The following HS3ST4 variants were observed in gnomAD, a reference collection of about 807,000 sequenced individuals.
HS3ST4 encodes heparan sulfate-glucosamine 3-sulfotransferase 4, also known as heparan sulfate glucosamine 3-O-sulfotransferase 4.
HS3ST4 carries 17 observed loss-of-function variants against 29.2 expected under a neutral mutation model. The observed-to-expected ratio is 0.58, with a 90% confidence interval of 0.40 to 0.87. The LOEUF is 0.87. Among genes scored for constraint, HS3ST4 ranks in the 40% least tolerant of loss-of-function variants. HS3ST4 has a pLI of 0.00. For missense variants in HS3ST4, 627 were observed against 634.5 expected (o/e 0.99, Z 0.13); for synonymous variants, 314 against 285.7 (o/e 1.10, Z -1.00).
At chr16:26,022,152 A>G (rs1350451715) in intron 1 of HS3ST4, among the ~76,000 whole-genome samples, 1 of 151,974 alleles carries the variant, frequency 6.6e-6, no homozygotes, top group Non-Finnish European at 1.5e-5. Context: ...ATTTTTTTGT[A>G]GCTATGGGGT....
intron 1 of HS3ST4, among the ~76,000 whole-genome samples, chr16:25,890,750 A>G (rs542881219): frequency 1.3e-5 from 2 of 152,338 alleles, no homozygotes; most frequent in East Asian, 1.9e-4. Flanking sequence ...CATTTGCATA[A>G]TAGGGTCAAT....
intron 1 of HS3ST4, among the ~76,000 whole-genome samples, chr16:25,798,771 C>A (rs748233448): frequency 2.6e-5 from 4 of 152,168 alleles, no homozygotes; most frequent in Non-Finnish European, 5.9e-5. Context: ...CTTCACGGCA[C>A]CCTCATTCTT....
chr16:26,113,526 A>C (rs1899163113), intron 1 of HS3ST4, among the ~76,000 whole-genome samples: 1 of 147,344 alleles, frequency 6.8e-6, no homozygotes, highest in Admixed American at 6.8e-5. Context: ...GAGGAAGATA[A>C]ACACAAAATT....
intron 1 of HS3ST4, among the ~76,000 whole-genome samples, chr16:25,724,160 C>T (rs1966516141): frequency 1.3e-5 from 2 of 150,938 alleles, no homozygotes; most frequent in South Asian, 4.2e-4. Flanking sequence ...CATTGTTTCC[C>T]CCAAAAAATA....
chr16:26,124,234 G>A (rs560235575), intron 1 of HS3ST4, among the ~76,000 whole-genome samples: 63 of 152,176 alleles, frequency 4.1e-4, no homozygotes, highest in African/African-American at 1.4e-3. Context: ...AACTTTTTAA[G>A]GGCAAGGTTT....
At chr16:25,805,808 C>G (rs889173418) in intron 1 of HS3ST4, among the ~76,000 whole-genome samples, 1 of 152,136 alleles carries the variant, frequency 6.6e-6, no homozygotes, top group Admixed American at 6.5e-5. Flanking sequence ...AACCGAAGAC[C>G]TAGGTCCAGC....
intron 1 of HS3ST4, among the ~76,000 whole-genome samples, chr16:25,859,878 T>C (rs1452699080): frequency 6.6e-6 from 1 of 152,196 alleles, no homozygotes; most frequent in Admixed American, 6.6e-5. Context: ...AGTAGGAGTC[T>C]GTGGCCTGTT....
At chr16:25,956,428 T>C (rs534544260) in intron 1 of HS3ST4, among the ~76,000 whole-genome samples, 10 of 152,322 alleles carry the variant, frequency 6.6e-5, no homozygotes, top group African/African-American at 2.4e-4. Flanking sequence ...TTTTACCACT[T>C]CTATTCAACC....
intron 1 of HS3ST4, among the ~76,000 whole-genome samples, chr16:25,931,163 A>G (rs1968459325): frequency 6.6e-6 from 1 of 152,174 alleles, no homozygotes; most frequent in Admixed American, 6.5e-5. Flanking sequence ...GTACCTTTCA[A>G]TGGAATTGTT....
At chr16:25,702,259 A>C (rs1486664403) in intron 1 of HS3ST4, among the ~76,000 whole-genome samples, 2 of 152,232 alleles carry the variant, frequency 1.3e-5, no homozygotes, top group African/African-American at 2.4e-5. Context: ...TATTGGAAAC[A>C]ATAATAGAAT....
At chr16:25,986,966 T>G (rs73521566) in intron 1 of HS3ST4, among the ~76,000 whole-genome samples, 5,901 of 152,306 alleles carry the variant, frequency 0.039, 329 homozygotes, top group African/African-American at 0.12. Flanking sequence ...AGGTTGTTAA[T>G]CGGTCTGGTT....
Position 25,827,755 on chromosome 16 carries a change from A to C in HS3ST4, c.734+134604A>C, listed in dbSNP as rs769747251. Among the ~76,000 whole-genome samples, 14 of 152,252 alleles carry C rather than the reference A, an allele frequency of 9.2e-5. 1 individual carries two copies. The highest frequency in any genetic ancestry group is 6.5e-4 in the Admixed American group (10 of 15,294). On this transcript the variant is annotated intron_variant, in intron 1 of 1. Transcript: ENST00000331351. Reference sequence around the variant, plus strand: ...TTTTAAAGTTTCCTAATTTGTAGAAATTTCTTTCAAGAGTCAATCTGGCCT... The same window carrying C: ...TTTTAAAGTTTCCTAATTTGTAGAACTTTCTTTCAAGAGTCAATCTGGCCT...
At chr16:25,838,327 ATTCT>A (rs1341504511) in intron 1 of HS3ST4, among the ~76,000 whole-genome samples, 27 of 152,230 alleles carry the variant, frequency 1.8e-4, no homozygotes, top group African/African-American at 6.0e-4. Flanking sequence ...GACCCGATTC[ATTCT>A]CTTTATTGCA....
chr16:26,054,693 G>T (rs1749780687), intron 1 of HS3ST4, among the ~76,000 whole-genome samples: 2 of 152,186 alleles, frequency 1.3e-5, no homozygotes, highest in Admixed American at 6.5e-5. Flanking sequence ...AGGGTCCAGA[G>T]TTTCAAGAGA....
chr16:25,791,124 A>G (rs1480607835), intron 1 of HS3ST4, among the ~76,000 whole-genome samples: 2 of 151,970 alleles, frequency 1.3e-5, no homozygotes, highest in Non-Finnish European at 2.9e-5. Flanking sequence ...TCCATGTGAT[A>G]TAGAATCATT....
chr16:25,722,636 A>G (rs947829174), intron 1 of HS3ST4, among the ~76,000 whole-genome samples: 2 of 152,334 alleles, frequency 1.3e-5, no homozygotes, highest in East Asian at 3.9e-4. Context: ...TCTGCTGAAC[A>G]TTTATACAGC....
chr16:25,721,118 G>C (rs1433536783), intron 1 of HS3ST4, among the ~76,000 whole-genome samples: 1 of 152,228 alleles, frequency 6.6e-6, no homozygotes, highest in African/African-American at 2.4e-5. Context: ...GTAGGAATGA[G>C]TCACAGACTA....
chr16:26,007,337 C>G (rs1969267870), intron 1 of HS3ST4, among the ~76,000 whole-genome samples: 3 of 152,102 alleles, frequency 2.0e-5, no homozygotes, highest in Non-Finnish European at 4.4e-5. Context: ...TTTTGCAAAA[C>G]AGGAAGCTTA....
chr16:25,731,768 C>T (rs1966571352), intron 1 of HS3ST4, among the ~76,000 whole-genome samples: 1 of 152,188 alleles, frequency 6.6e-6, no homozygotes, highest in African/African-American at 2.4e-5. Context: ...TGAATAAACC[C>T]TTTATAACAC....
Sources: gnomAD v4.1 joint callset for allele counts (sites outside exome capture counted in the v4.1 genomes callset) on GRCh38, gnomAD v4.1.1 for gene constraint, MANE v1.5 for transcripts, NCBI Gene and HGNC (gene_info 2026-07-23, HGNC 2026-07-21) for gene names.